The following SMYD3 variants were observed in gnomAD, a reference collection of about 807,000 sequenced individuals.
SMYD3 encodes the protein histone-lysine N-methyltransferase SMYD3.
In SMYD3, 36 loss-of-function variants were observed where a neutral mutation model predicts 57.7. That is an observed-to-expected ratio of 0.62 (90% CI 0.48 to 0.82). SMYD3 has a LOEUF of 0.82. Among genes scored for constraint, SMYD3 ranks in the 40% least tolerant of loss-of-function variants. The pLI is 0.00. For missense variants in SMYD3, 515 were observed against 538.8 expected (o/e 0.96, Z 0.44); for synonymous variants, 211 against 195.0 (o/e 1.08, Z -0.68).
intron 1 of SMYD3, among the ~76,000 whole-genome samples, chr1:246,463,022 G>A (rs2067826064): frequency 6.6e-6 from 1 of 152,060 alleles, no homozygotes; most frequent in Admixed American, 6.6e-5. Context: ...ATATAGGAAG[G>A]AAAATGAAAT....
intron 5 of SMYD3, among the ~76,000 whole-genome samples, chr1:245,976,525 C>T (rs369412286): frequency 0.053 from 420 of 7,922 alleles, no homozygotes; most frequent in Middle Eastern, 0.1. Context: ...GTCTCTAGCC[C>T]AGGGAAAGCC....
At chr1:246,330,423 C>A (rs1431698287) in intron 4 of SMYD3, 57 bp downstream of exon 4, 13 of 1,363,586 alleles carry the variant, frequency 9.5e-6, no homozygotes, top group Admixed American at 2.4e-5. Context: ...ATCCATTCAC[C>A]AACTCAGCAA....
intron 1 of SMYD3, among the ~76,000 whole-genome samples, chr1:246,360,051 T>C (rs991056826): frequency 1.8e-4 from 27 of 152,272 alleles, no homozygotes; most frequent in African/African-American, 6.5e-4. Flanking sequence ...TATGATTGTA[T>C]ACCTAGAAAG....
At chr1:245,852,594 C>A (rs2051034599) in intron 10 of SMYD3, among the ~76,000 whole-genome samples, 1 of 152,134 alleles carries the variant, frequency 6.6e-6, no homozygotes, top group African/African-American at 2.4e-5. Context: ...AGTAATGAGG[C>A]CTAAGCGCAA....
chr1:245,775,685 G>A (rs1387861876), intron 10 of SMYD3, among the ~76,000 whole-genome samples: 1 of 143,316 alleles, frequency 7.0e-6, no homozygotes, highest in Non-Finnish European at 1.5e-5. Context: ...CCCCCTCTCC[G>A]AGAAACACCC....
chr1:246,292,169 T>C (rs1290552446), intron 5 of SMYD3, among the ~76,000 whole-genome samples: 4 of 139,290 alleles, frequency 2.9e-5, no homozygotes, highest in Non-Finnish European at 3.1e-5. Context: ...CACACCAGCA[T>C]CTTAGACTTA....
rs555500925 is a variant in SMYD3 at position 245,817,535 on chromosome 1, A to C, written c.1076+40961T>G. On this transcript the variant is annotated intron_variant, in intron 10 of 11. Transcript: ENST00000490107. ...GCAGTTCCTCACCAGCAACGGAACA[A>C]AGCTGGACGGAGAATGACTTTGATG... 9.1e-4 allele frequency among the ~76,000 whole-genome samples: 138 copies of C among 152,224 alleles called. 2 individuals carry two copies. The highest frequency in any genetic ancestry group is 1.4e-3 in the Non-Finnish European group (97 of 67,976).
At chr1:246,307,559 A>T (rs1249128307) in intron 5 of SMYD3, among the ~76,000 whole-genome samples, 1 of 151,058 alleles carries the variant, frequency 6.6e-6, no homozygotes, top group Non-Finnish European at 1.5e-5. Flanking sequence ...AGCTGGGACT[A>T]CAGGCGCCCG....
At chr1:245,910,814 G>A (rs2054918442) in intron 8 of SMYD3, among the ~76,000 whole-genome samples, 1 of 151,958 alleles carries the variant, frequency 6.6e-6, no homozygotes, top group Admixed American at 6.6e-5. Flanking sequence ...AAAACATTGG[G>A]TAAACACTTC....
intron 5 of SMYD3, among the ~76,000 whole-genome samples, chr1:246,189,331 C>T (rs1305481661): frequency 6.6e-6 from 1 of 152,170 alleles, no homozygotes; most frequent in Non-Finnish European, 1.5e-5. Flanking sequence ...CTGAGACTCA[C>T]AGGAATGATA....
intron 5 of SMYD3, among the ~76,000 whole-genome samples, chr1:246,236,971 T>G (rs1025150926): frequency 6.6e-6 from 1 of 152,188 alleles, no homozygotes; most frequent in Non-Finnish European, 1.5e-5. Context: ...TGCTGGGCTG[T>G]GCTGGCGTTT....
At chr1:246,181,631 T>C (rs140161733) in intron 5 of SMYD3, among the ~76,000 whole-genome samples, 282 of 152,386 alleles carry the variant, frequency 1.9e-3, no homozygotes, top group African/African-American at 6.6e-3. Flanking sequence ...TTAACTTGTA[T>C]GGTTTTATTT....
intron 5 of SMYD3, among the ~76,000 whole-genome samples, chr1:246,227,717 G>C (rs2063349992): frequency 6.6e-6 from 1 of 152,212 alleles, no homozygotes; most frequent in African/African-American, 2.4e-5. Context: ...CTGGAGAACT[G>C]GGTCCTTTTA....
chr1:245,955,258 AT>A (rs11290230), intron 5 of SMYD3, among the ~76,000 whole-genome samples: 151,183 of 152,224 alleles, frequency 0.99, 75,086 homozygotes, highest in South Asian at 1. Context: ...TACCTGGCTA[AT>A]TTTTTTTTGT....
chr1:245,837,760 T>C (rs1425134787), intron 10 of SMYD3, among the ~76,000 whole-genome samples: 3 of 152,108 alleles, frequency 2.0e-5, no homozygotes, highest in Admixed American at 2.0e-4. Context: ...TTCAGTTCAA[T>C]CCTCTGAAAC....
At chr1:245,873,537 G>C (rs548921233) in intron 8 of SMYD3, among the ~76,000 whole-genome samples, 1 of 152,258 alleles carries the variant, frequency 6.6e-6, no homozygotes, top group African/African-American at 2.4e-5. Flanking sequence ...GGTGAGTTTT[G>C]TCTTAATGAA....
At chr1:246,420,967 C>T (rs2067135175) in intron 1 of SMYD3, among the ~76,000 whole-genome samples, 1 of 152,178 alleles carries the variant, frequency 6.6e-6, no homozygotes, top group African/African-American at 2.4e-5. Context: ...TATGTCAACA[C>T]ATAGCCTTGT....
chr1:245,877,158 C>T (rs2148535050), intron 8 of SMYD3, among the ~76,000 whole-genome samples: 1 of 152,340 alleles, frequency 6.6e-6, no homozygotes, highest in African/African-American at 2.4e-5. Context: ...GACGGGGCAG[C>T]TCCCCGGCCC....
Position 246,355,946 on chromosome 1 carries a change from G to A in SMYD3, c.165-852C>T, listed in dbSNP as rs143789642. ...AAGAAACCTGAATAGGTAACCAGGC[G>A]ACCTTAGGGCAAGTTTGCTTCCTCC... On this transcript the variant is annotated intron_variant, in intron 1 of 11. Transcript: ENST00000490107. The surrounding 1 kb of genome is among the most constrained non-coding windows in gnomAD (Gnocchi z 5.0). 4.3e-3 allele frequency among the ~76,000 whole-genome samples: 648 copies of A among 152,260 alleles called. 2 individuals carry two copies. The highest frequency in any genetic ancestry group is 6.8e-3 in the Non-Finnish European group (462 of 68,004).
Sources: allele counts gnomAD v4.1 joint callset (sites outside exome capture counted in the v4.1 genomes callset), GRCh38; gene constraint gnomAD v4.1.1; non-coding constraint Gnocchi (gnomAD v3.1); transcripts MANE v1.5; gene names NCBI Gene and HGNC (gene_info 2026-07-23, HGNC 2026-07-21).